OTC: variants seen among roughly 807,000 people sequenced by gnomAD.
OTC encodes ornithine transcarbamylase, mitochondrial.
OTC carries 3 observed loss-of-function variants against 30.3 expected under a neutral mutation model. The ratio of observed to expected loss-of-function variants is 0.10; its 90% confidence interval spans 0.05 to 0.26. The LOEUF (loss-of-function observed/expected upper bound fraction) is 0.26. Among genes scored for constraint, OTC ranks in the 10% least tolerant of loss-of-function variants. OTC has a pLI of 1.00. For missense variants in OTC, 194 were observed against 260.3 expected, an observed-to-expected ratio of 0.75 and a Z score of 1.75; for synonymous variants, 111 against 99.7, an observed-to-expected ratio of 1.11 and a Z score of -0.67.
chrX:38,394,193 C>G lies in OTC; in HGVS notation c.387-7082C>G, dbSNP rs145783180. ...TTTGTCAATGTATTTCACATTTTTA[C>G]TGTGCATACACATATACACAATGTA... On this transcript the variant is annotated intron_variant, in intron 4 of 9. Coordinates refer to ENST00000039007, the MANE Select transcript of OTC (RefSeq NM_000531.6). Among the ~76,000 whole-genome samples the G allele has an allele frequency of 6.7e-3, 756 of 112,612 alleles. 10 individuals are homozygous for G. The highest frequency in any genetic ancestry group is 0.023 in the African/African-American group (724 of 31,093).
intron 3 of OTC, among the ~76,000 whole-genome samples, chrX:38,372,294 T>C (rs2068326894): frequency 1.8e-5 from 2 of 111,779 alleles, no homozygotes; most frequent in South Asian, 3.7e-4. Context: ...GGCAACTCTG[T>C]GAGAGCAAGA....
the OTC span, among the ~76,000 whole-genome samples, chrX:38,340,473 G>GTTTTTTTTTTTTTTTTT: frequency 1.8e-3 from 101 of 56,081 alleles, no homozygotes; most frequent in Middle Eastern, 0.015. Flanking sequence ...TTTTTTTTTT[G>GTTTTTTTTTTTTTTTTT]TTTTTTTTTT....
chrX:38,418,208 G>A (rs969063616), intron 9 of OTC, among the ~76,000 whole-genome samples: 37 of 111,548 alleles, frequency 3.3e-4, no homozygotes, highest in African/African-American at 1.2e-3. Context: ...ATATCTCATT[G>A]TGGTTTAATT....
At chrX:38,332,510 A>ATATATATATATATATATATATAT in the OTC span, among the ~76,000 whole-genome samples, 1 of 81,013 alleles carries the variant, frequency 1.2e-5, no homozygotes, top group African/African-American at 4.7e-5. Context: ...GATTTTATAT[A>ATATATATATATATATATATATAT]TATATATATA....
At chrX:38,397,525 A>G (rs761653093) in intron 4 of OTC, among the ~76,000 whole-genome samples, 2 of 112,251 alleles carry the variant, frequency 1.8e-5, no homozygotes, top group African/African-American at 6.5e-5. Flanking sequence ...ACAAGTGTCA[A>G]GTGGGGAAAG....
At chrX:38,402,640 A>G (rs1406954496) in intron 5 of OTC, among the ~76,000 whole-genome samples, 11 of 111,891 alleles carry the variant, frequency 9.8e-5, no homozygotes, top group African/African-American at 2.9e-4. Context: ...TGATGTTGAT[A>G]CTTTATAATT....
chrX:38,382,116 G>A (rs2068379803), intron 4 of OTC, among the ~76,000 whole-genome samples: 1 of 112,128 alleles, frequency 8.9e-6, no homozygotes, highest in Admixed American at 9.5e-5. Context: ...ATAGAGCATG[G>A]AGAAGGCATA....
At chrX:38,381,692 A>G (rs928408052) in intron 4 of OTC, among the ~76,000 whole-genome samples, 1 of 111,940 alleles carries the variant, frequency 8.9e-6, no homozygotes, top group Non-Finnish European at 1.9e-5. Flanking sequence ...TTCATCAAGT[A>G]TGACTCTTAG....
intron 1 of OTC, among the ~76,000 whole-genome samples, chrX:38,364,961 C>G (rs1249686290): frequency 8.9e-6 from 1 of 112,375 alleles, no homozygotes; most frequent in Admixed American, 9.4e-5. Context: ...CCAATCAACT[C>G]TGCAAGAAAC....
intron 4 of OTC, among the ~76,000 whole-genome samples, chrX:38,387,799 T>A (rs368592579): frequency 2.7e-5 from 3 of 111,946 alleles, no homozygotes; most frequent in South Asian, 3.7e-4. Context: ...AGGATGTGCT[T>A]AATTTCCCCA....
intron 1 of OTC, among the ~76,000 whole-genome samples, chrX:38,365,606 G>A (rs751211243): frequency 8.9e-6 from 1 of 112,537 alleles, no homozygotes; most frequent in Admixed American, 9.4e-5. Flanking sequence ...TTTCTATTGT[G>A]TATCATGTGC....
chrX:38,401,494 A>G (rs1245968789), intron 5 of OTC, 66 bp downstream of exon 5: 1 of 879,055 alleles, frequency 1.1e-6, no homozygotes, highest in Non-Finnish European at 1.7e-6. Flanking sequence ...TTTAAGTGAA[A>G]CAGTTTACTT....
chrX:38,418,553 T>C (rs1258736095), intron 9 of OTC, among the ~76,000 whole-genome samples: 1 of 112,189 alleles, frequency 8.9e-6, no homozygotes, highest in Non-Finnish European at 1.9e-5. Context: ...ACAAGACTCA[T>C]GTCATAGAGC....
chrX:38,415,933 C>T (rs2068568937), intron 9 of OTC, among the ~76,000 whole-genome samples: 2 of 112,351 alleles, frequency 1.8e-5, no homozygotes, highest in Non-Finnish European at 3.8e-5. Context: ...GTTGAATGCT[C>T]AATAGCCACA....
At position 38,375,072 on chromosome X, in the gene OTC, CT is replaced by C. The variant is rs774039210; in HGVS notation, c.298+5197del. On this transcript the variant is annotated intron_variant, in intron 3 of 9. Coordinates refer to ENST00000039007, the MANE Select transcript of OTC (RefSeq NM_000531.6). ...TCATTCAATGAGAATTCATTAAGCA[CT>C]TACTATTTGCCAGGTTTTATTCTAG... Among the ~76,000 whole-genome samples, 297 of 112,073 alleles carry C rather than the reference CT, an allele frequency of 2.7e-3. 5 individuals carry two copies. Among genetic ancestry groups the C allele is most frequent in the Non-Finnish European group, 3.4e-3 (181 of 53,239 alleles).
chrX:38,413,919 C>G (rs772638264), intron 9 of OTC, among the ~76,000 whole-genome samples: 1 of 109,758 alleles, frequency 9.1e-6, no homozygotes, highest in South Asian at 4.0e-4. Context: ...AATGATCCAC[C>G]CACCTCAGCC....
chrX:38,353,233 C>T (rs368240199), intron 1 of OTC, among the ~76,000 whole-genome samples: 62 of 112,232 alleles, frequency 5.5e-4, no homozygotes, highest in African/African-American at 1.8e-3. Flanking sequence ...ATGGGGATAA[C>T]GACATTTTTA....
At chrX:38,419,351 G>A (rs1356219795) in intron 9 of OTC, among the ~76,000 whole-genome samples, 2 of 112,009 alleles carry the variant, frequency 1.8e-5, no homozygotes, top group Non-Finnish European at 3.8e-5. Context: ...CTTAAGGATT[G>A]TATTTTTGAT....
At position 38,421,265 on chromosome X, in the gene OTC, T is replaced by C. The variant is rs575864452; in HGVS notation, c.*183T>C. 7.0e-6 allele frequency: 3 copies of C among 429,447 alleles called. No homozygotes were observed. In the South Asian group the frequency reaches 9.9e-5, roughly 14 times the overall value. 35.4% of individuals were successfully genotyped at this position (429,447 alleles called of 1,213,427 possible). On this transcript the variant is annotated 3_prime_UTR_variant, in exon 10 of 10. Transcript: ENST00000039007. ...GCCTTTAATTTAAGTGCTGATGCACTGTAATACGTGCTTAACTTTGCTTAA... is the reference window on the plus strand; with the variant it reads ...GCCTTTAATTTAAGTGCTGATGCACCGTAATACGTGCTTAACTTTGCTTAA...
Sources: gnomAD v4.1 joint callset for allele counts (sites outside exome capture counted in the v4.1 genomes callset) on GRCh38, gnomAD v4.1.1 for gene constraint, MANE v1.5 for transcripts, NCBI Gene and HGNC (gene_info 2026-07-23, HGNC 2026-07-21) for gene names.